BRINP3: variants seen among roughly 807,000 people sequenced by gnomAD.
BRINP3 encodes the protein BMP/retinoic acid inducible neural specific 3.
BRINP3 carries 19 observed loss-of-function variants against 71.0 expected under a neutral mutation model. The observed-to-expected ratio is 0.27, with a 90% confidence interval of 0.19 to 0.39. The LOEUF is 0.39. BRINP3 is among the 10% of genes least tolerant of loss of function. BRINP3 has a pLI of 1.00. For missense variants in BRINP3, 959 were observed against 940.8 expected, an observed-to-expected ratio of 1.02 and a Z score of -0.25; for synonymous variants, 380 against 337.7, an observed-to-expected ratio of 1.13 and a Z score of -1.37.
chr1:190,259,371 T>C (rs796351320), intron 4 of BRINP3, among the ~76,000 whole-genome samples: 23 of 150,960 alleles, frequency 1.5e-4, no homozygotes, highest in African/African-American at 4.9e-4. Flanking sequence ...ATCATGTAAA[T>C]AGAATTAAAA....
At chr1:190,199,135 C>T (rs1654763034) in intron 6 of BRINP3, among the ~76,000 whole-genome samples, 1 of 152,106 alleles carries the variant, frequency 6.6e-6, no homozygotes, top group Non-Finnish European at 1.5e-5. Context: ...AATCAGATCT[C>T]ATGAGACTTA....
intron 1 of BRINP3, among the ~76,000 whole-genome samples, chr1:190,456,015 A>G (rs1261811359): frequency 6.6e-6 from 1 of 152,180 alleles, no homozygotes; most frequent in Non-Finnish European, 1.5e-5. Flanking sequence ...GATTCTGACT[A>G]ATGAGAAAGG....
chr1:190,459,337 C>T (rs1571369309), intron 1 of BRINP3, among the ~76,000 whole-genome samples: 1 of 151,580 alleles, frequency 6.6e-6, no homozygotes, highest in East Asian at 1.9e-4. Context: ...ATTATTCTTT[C>T]TTACTAGCTG....
chr1:190,099,867 T>C (rs932125854), intron 7 of BRINP3, among the ~76,000 whole-genome samples: 2 of 152,208 alleles, frequency 1.3e-5, no homozygotes, highest in Non-Finnish European at 2.9e-5. Context: ...ATTAACATTT[T>C]TTTTCTCATC....
At chr1:190,227,579 ATAAT>A (rs1657518139) in intron 5 of BRINP3, among the ~76,000 whole-genome samples, 1 of 152,006 alleles carries the variant, frequency 6.6e-6, no homozygotes, top group East Asian at 1.9e-4. Flanking sequence ...TTCAATAAAT[ATAAT>A]TAATTGGCTA....
intron 4 of BRINP3, among the ~76,000 whole-genome samples, chr1:190,255,359 T>C (rs1180916734): frequency 1.3e-5 from 2 of 152,086 alleles, no homozygotes; most frequent in African/African-American, 4.8e-5. Context: ...GAAGGAATGG[T>C]ACCAGCTCTT....
chr1:190,428,669 T>C (rs1673886477), intron 2 of BRINP3, among the ~76,000 whole-genome samples: 1 of 152,068 alleles, frequency 6.6e-6, no homozygotes, highest in South Asian at 2.1e-4. Flanking sequence ...ATTTTGAATG[T>C]TTCCAACACA....
At position 190,097,989 on chromosome 1, in the gene BRINP3, A is replaced by G. The variant is rs1382827635; in HGVS notation, c.*29T>C. 3.8e-6 allele frequency: 6 copies of G among 1,565,746 alleles called. No homozygotes were observed. Among genetic ancestry groups the G allele is most frequent in the African/African-American group, 1.4e-5 (1 of 72,776 alleles). On this transcript the variant is annotated 3_prime_UTR_variant, in exon 8 of 8. Transcript: ENST00000367462. ...CAAAAGCACTGTAAAAACTCCTTCA[A>G]GATTTTGGGTTGTGCTTGACATTTA...
chr1:190,271,768 G>A (rs1315918247), intron 3 of BRINP3, among the ~76,000 whole-genome samples: 2 of 151,444 alleles, frequency 1.3e-5, no homozygotes, highest in Non-Finnish European at 3.0e-5. Context: ...GGTAAGTATG[G>A]TGCATCATTA....
chr1:190,260,084 A>C (rs971638319), intron 4 of BRINP3, among the ~76,000 whole-genome samples: 1 of 145,146 alleles, frequency 6.9e-6, no homozygotes, highest in East Asian at 2.0e-4. Flanking sequence ...AAAAAAAAAG[A>C]AAAAGAAAAG....
At chr1:190,186,744 A>C (rs1456105134) in intron 6 of BRINP3, among the ~76,000 whole-genome samples, 1 of 152,148 alleles carries the variant, frequency 6.6e-6, no homozygotes, top group South Asian at 2.1e-4. Flanking sequence ...GCAGAAACTC[A>C]CATTATGTTA....
At position 190,159,017 on chromosome 1, in the gene BRINP3, C is replaced by A. The variant is rs918427896; in HGVS notation, c.1184+1651G>T. Among the ~76,000 whole-genome samples the A allele has an allele frequency of 2.0e-5, 3 of 151,796 alleles. No homozygotes were observed. The East Asian group carries it at 5.8e-4, about 29-fold the overall frequency. On this transcript the variant is annotated intron_variant, in intron 7 of 7. Transcript: ENST00000367462. ...TATGAAGTCCTCTTACAACTCAATG[C>A]CCACTTTCAAAAAAATATTGAAATC... is the stretch of plus-strand genomic sequence containing the variant.
intron 6 of BRINP3, among the ~76,000 whole-genome samples, chr1:190,220,046 A>C (rs1170161496): frequency 1.3e-5 from 2 of 151,996 alleles, no homozygotes; most frequent in Non-Finnish European, 2.9e-5. Flanking sequence ...TTTTAGTCAA[A>C]TAAATAATGA....
intron 2 of BRINP3, among the ~76,000 whole-genome samples, chr1:190,435,209 C>A (rs1013964152): frequency 2.6e-5 from 4 of 152,124 alleles, no homozygotes; most frequent in African/African-American, 9.7e-5. Context: ...CTATCCTCTA[C>A]AAATATTGTT....
chr1:190,106,789 C>T (rs1571713288), intron 7 of BRINP3, among the ~76,000 whole-genome samples: 1 of 151,732 alleles, frequency 6.6e-6, no homozygotes, highest in South Asian at 2.1e-4. Flanking sequence ...TTCATAATAT[C>T]TGTTTTTCTT....
chr1:190,318,672 A>AT (rs66489947), intron 2 of BRINP3, among the ~76,000 whole-genome samples: 54 of 150,336 alleles, frequency 3.6e-4, no homozygotes, highest in African/African-American at 8.0e-4. Context: ...TTTCACAGAG[A>AT]TTTTTTTTTT....
intron 7 of BRINP3, among the ~76,000 whole-genome samples, chr1:190,153,752 T>G (rs1346038643): frequency 6.6e-6 from 1 of 152,170 alleles, no homozygotes; most frequent in African/African-American, 2.4e-5. Flanking sequence ...TCCCAGCTAC[T>G]CAGGAGACTG....
chr1:190,425,574 T>G (rs893518025), intron 2 of BRINP3, among the ~76,000 whole-genome samples: 3 of 151,772 alleles, frequency 2.0e-5, no homozygotes, highest in African/African-American at 7.2e-5. Flanking sequence ...CCTTCTACTA[T>G]GGGTCTGTAT....
At chr1:190,298,067 T>A (rs1472973100) in intron 2 of BRINP3, among the ~76,000 whole-genome samples, 1 of 152,112 alleles carries the variant, frequency 6.6e-6, no homozygotes, top group African/African-American at 2.4e-5. Context: ...TGGTCGTTTG[T>A]GCTTTTTAAG....
Sources: gnomAD v4.1 joint callset for allele counts (sites outside exome capture counted in the v4.1 genomes callset) on GRCh38, gnomAD v4.1.1 for gene constraint, MANE v1.5 for transcripts, NCBI Gene and HGNC (gene_info 2026-07-23, HGNC 2026-07-21) for gene names.